Variants in REEP3 observed in about 807,000 individuals in gnomAD.
The protein encoded by REEP3 is receptor expression-enhancing protein 3.
A neutral mutation model predicts 41.3 loss-of-function variants in REEP3; 20 were observed. The ratio of observed to expected loss-of-function variants is 0.48; its 90% CI spans 0.34 to 0.70. The LOEUF (loss-of-function observed/expected upper bound fraction) is 0.70. REEP3 is among the 30% of genes least tolerant of loss of function. REEP3 has a pLI of 0.01. For synonymous variants in REEP3, 104 were observed against 101.8 expected (o/e 1.02, Z -0.13); for missense variants, 271 against 308.8 (o/e 0.88, Z 0.92).
intron 6 of REEP3, among the ~76,000 whole-genome samples, chr10:63,612,784 C>A (rs139377221): frequency 0.01 from 1,574 of 150,280 alleles, 28 homozygotes; most frequent in African/African-American, 0.037. Flanking sequence ...GAGAGAGACT[C>A]CATCTCAAAA....
chr10:63,590,852 T>C (rs1169348283), intron 2 of REEP3, among the ~76,000 whole-genome samples: 1 of 152,244 alleles, frequency 6.6e-6, no homozygotes, highest in East Asian at 1.9e-4. Context: ...CCCGATAATA[T>C]ATTTCTATCA....
At chr10:63,607,226 A>C (rs1589887359) in intron 5 of REEP3, among the ~76,000 whole-genome samples, 1 of 152,284 alleles carries the variant, frequency 6.6e-6, no homozygotes, top group South Asian at 2.1e-4. Context: ...GGAAAGTCCA[A>C]TTTTCCAAGG....
At chr10:63,570,874 G>A (rs561062850) in intron 2 of REEP3, among the ~76,000 whole-genome samples, 98 of 152,184 alleles carry the variant, frequency 6.4e-4, no homozygotes, top group African/African-American at 2.3e-3. Context: ...CAGCACTTTG[G>A]GAGGCTGAAG....
chr10:63,588,427 T>G (rs1003892570), intron 2 of REEP3, among the ~76,000 whole-genome samples: 3 of 141,928 alleles, frequency 2.1e-5, no homozygotes, highest in African/African-American at 7.5e-5. Context: ...TTCATGCTAT[T>G]TTTTATTCCT....
In REEP3 at chr10:63,528,272, T is replaced by C. The variant is rs553359967; in HGVS notation, c.32+6695T>C. On this transcript the variant is annotated intron_variant, in intron 1 of 7. Coordinates refer to ENST00000373758, the MANE Select transcript of REEP3 (RefSeq NM_001001330.3). ...TGAGCTTCCTTCCCCATCTGGCTCCTCTGGCAGCTTTCCCCCACTCTGTTA... is the reference window on the plus strand; with the variant it reads ...TGAGCTTCCTTCCCCATCTGGCTCCCCTGGCAGCTTTCCCCCACTCTGTTA... Among the ~76,000 whole-genome samples, 11 of 152,284 alleles carry C rather than the reference T, an allele frequency of 7.2e-5. 1 individual carries two copies. The South Asian group carries it at 2.3e-3, about 32-fold the overall frequency.
intron 2 of REEP3, among the ~76,000 whole-genome samples, chr10:63,582,992 C>CTTTTTTTTTTTTTTTTTTTTT (rs1391434567): frequency 1.3e-5 from 2 of 151,576 alleles, no homozygotes; most frequent in Non-Finnish European, 1.5e-5. Flanking sequence ...AGTTTTTTTT[C>CTTTTTTTTTTTTTTTTTTTTT]TTTTTTGTTT....
chr10:63,546,927 T>G (rs1447069804), intron 1 of REEP3, among the ~76,000 whole-genome samples: 1 of 144,442 alleles, frequency 6.9e-6, no homozygotes, highest in Non-Finnish European at 1.5e-5. Context: ...TCTTCGTGAC[T>G]TTTTTTTTTT....
At chr10:63,545,408 C>T (rs1955567492) in intron 1 of REEP3, among the ~76,000 whole-genome samples, 1 of 152,076 alleles carries the variant, frequency 6.6e-6, no homozygotes, top group Non-Finnish European at 1.5e-5. Context: ...TGGAGTCTCG[C>T]TCTGTTGCCA....
intron 1 of REEP3, among the ~76,000 whole-genome samples, chr10:63,559,990 T>C (rs1296855178): frequency 3.3e-5 from 5 of 152,134 alleles, no homozygotes; most frequent in Admixed American, 3.3e-4. Flanking sequence ...GATAAAAATC[T>C]CTATATGCTC....
chr10:63,620,440 A>G (rs1481801162), intron 7 of REEP3, among the ~76,000 whole-genome samples: 1 of 152,252 alleles, frequency 6.6e-6, no homozygotes, highest in Non-Finnish European at 1.5e-5. Flanking sequence ...CTTTCAACTA[A>G]TGCTACATGA....
At chr10:63,552,528 A>G (rs776140265) in intron 1 of REEP3, among the ~76,000 whole-genome samples, 2 of 152,230 alleles carry the variant, frequency 1.3e-5, no homozygotes, top group African/African-American at 2.4e-5. Flanking sequence ...ATTGTTTTTA[A>G]TACAGAATCC....
chr10:63,568,586 T>C (rs1008721887), intron 2 of REEP3, among the ~76,000 whole-genome samples: 1 of 150,724 alleles, frequency 6.6e-6, no homozygotes, highest in African/African-American at 2.4e-5. Context: ...TTTTATAAAA[T>C]GAAATACTAA....
intron 1 of REEP3, among the ~76,000 whole-genome samples, chr10:63,547,514 C>T (rs1219251927): frequency 6.6e-6 from 1 of 152,156 alleles, no homozygotes; most frequent in African/African-American, 2.4e-5. Flanking sequence ...AAGGTGCTCT[C>T]ACTTCTTTTC....
At chr10:63,584,689 G>A (rs16918641) in intron 2 of REEP3, among the ~76,000 whole-genome samples, 5,430 of 152,088 alleles carry the variant, frequency 0.036, 315 homozygotes, top group East Asian at 0.28. Flanking sequence ...TAGTGAATCG[G>A]GAATAGATCT....
intron 6 of REEP3, among the ~76,000 whole-genome samples, chr10:63,611,754 TAAAAA>T (rs1479055063): frequency 6.6e-6 from 1 of 151,482 alleles, no homozygotes; most frequent in Non-Finnish European, 1.5e-5. Context: ...TGTTCCTTCT[TAAAAA>T]AGGAAAAATA....
At chr10:63,619,836 G>C (rs1379734666) in intron 7 of REEP3, 36 bp downstream of exon 7, 1 of 1,540,812 alleles carries the variant, frequency 6.5e-7, no homozygotes, top group Non-Finnish European at 8.8e-7. Flanking sequence ...CTAATGATTA[G>C]TGAAGGATTT....
chr10:63,566,424 T>C lies in REEP3; in HGVS notation c.105+14T>C. Reference sequence around the variant, plus strand: ...GTGAAGGAATATGTAAGTATAGTTTTATGAGTGATTAATCTGAGTTTAATA... The same window carrying C: ...GTGAAGGAATATGTAAGTATAGTTTCATGAGTGATTAATCTGAGTTTAATA... On this transcript the variant is annotated intron_variant, in intron 2 of 7. Coordinates refer to ENST00000373758, the MANE Select transcript of REEP3 (RefSeq NM_001001330.3). 21 of 1,340,360 alleles carry C rather than the reference T, an allele frequency of 1.6e-5. No homozygotes were observed. The highest frequency in any genetic ancestry group is 2.2e-5 in the Non-Finnish European group (21 of 959,516). 83.0% of individuals were successfully genotyped at this position (1,340,360 alleles called of 1,614,324 possible).
At chr10:63,562,623 G>A (rs1157332593) in intron 1 of REEP3, 21 of 456,458 alleles carry the variant, frequency 4.6e-5, no homozygotes, top group Admixed American at 4.0e-4. Context: ...CAAGAGAAGC[G>A]TATTCTTCCT....
chr10:63,549,175 G>A (rs759127876), intron 1 of REEP3, among the ~76,000 whole-genome samples: 6 of 152,214 alleles, frequency 3.9e-5, no homozygotes, highest in Non-Finnish European at 7.3e-5. Flanking sequence ...GACTGACCTA[G>A]TGTAGGTAGT....
Sources: allele counts gnomAD v4.1 joint callset (sites outside exome capture counted in the v4.1 genomes callset), GRCh38; gene constraint gnomAD v4.1.1; transcripts MANE v1.5; gene names NCBI Gene and HGNC (gene_info 2026-07-23, HGNC 2026-07-21).